DDAH1: variants seen among roughly 807,000 people sequenced by gnomAD.
DDAH1 encodes N(G),N(G)-dimethylarginine dimethylaminohydrolase 1.
DDAH1 carries 19 observed loss-of-function variants against 28.8 expected under a neutral mutation model. The ratio of observed to expected loss-of-function variants is 0.66; its 90% CI spans 0.46 to 0.97. The LOEUF is 0.97. Among genes scored for constraint, DDAH1 ranks in the 50% least tolerant of loss-of-function variants. DDAH1 has a pLI of 0.00. For synonymous variants in DDAH1, 153 were observed against 154.4 expected (o/e 0.99, Z 0.07); for missense variants, 326 against 375.9 (o/e 0.87, Z 1.10).
intron 1 of DDAH1, among the ~76,000 whole-genome samples, chr1:85,461,386 C>T (rs934683931): frequency 2.0e-5 from 3 of 152,136 alleles, no homozygotes; most frequent in Non-Finnish European, 4.4e-5. Context: ...TGGGCTTTCA[C>T]AGGAATACTT....
At chr1:85,504,539 C>T (rs916020148) in intron 1 of DDAH1, among the ~76,000 whole-genome samples, 1 of 152,164 alleles carries the variant, frequency 6.6e-6, no homozygotes, top group African/African-American at 2.4e-5. Context: ...AAGCAAACTG[C>T]AAGCAAAATA....
intron 1 of DDAH1, among the ~76,000 whole-genome samples, chr1:85,435,583 A>G (rs1653896229): frequency 6.6e-6 from 1 of 152,192 alleles, no homozygotes; most frequent in Non-Finnish European, 1.5e-5. Context: ...CCTACGGAAA[A>G]GTAGTGAAGA....
At chr1:85,407,120 A>G (rs575818592) in intron 1 of DDAH1, among the ~76,000 whole-genome samples, 2 of 152,216 alleles carry the variant, frequency 1.3e-5, no homozygotes, top group East Asian at 3.9e-4. Context: ...AAGTTTTCTC[A>G]CGTATTTTCC....
At chr1:85,571,974 G>A (rs1483132584) in intron 1 of DDAH1, among the ~76,000 whole-genome samples, 3 of 152,198 alleles carry the variant, frequency 2.0e-5, no homozygotes, top group South Asian at 4.2e-4. Flanking sequence ...TGCAGGGTGC[G>A]CTTGGCAGGG....
At chr1:85,481,091 G>GTTTTTTTTT (rs779581650) in intron 2 of DDAH1, among the ~76,000 whole-genome samples, 3 of 92,006 alleles carry the variant, frequency 3.3e-5, no homozygotes, top group African/African-American at 9.3e-5. Context: ...ATTTCTTTGG[G>GTTTTTTTTT]TTTTTTGTTT....
At chr1:85,500,147 T>TTTCTTTCTTTCTTTCTTTCTTTTC (rs1351874163) in intron 1 of DDAH1, among the ~76,000 whole-genome samples, 1 of 55,244 alleles carries the variant, frequency 1.8e-5, no homozygotes, top group African/African-American at 5.5e-5. Flanking sequence ...TCTTTCTTTC[T>TTTCTTTCTTTCTTTCTTTCTTTTC]TTTCTTTCTT....
intron 3 of DDAH1, 122 bp downstream of exon 3, chr1:85,351,384 T>C (rs1649191859): frequency 1.3e-6 from 1 of 773,958 alleles, no homozygotes; most frequent in Non-Finnish European, 2.1e-6. Context: ...GTACAAACAT[T>C]ACGAATTATT....
At chr1:85,398,784 G>A (rs1353597108) in intron 1 of DDAH1, 3 of 152,148 alleles carry the variant, frequency 2.0e-5, no homozygotes, top group African/African-American at 4.8e-5. Context: ...GGCAGAATAA[G>A]GCTATGGTTA....
At chr1:85,404,527 A>C (rs1225061399) in intron 1 of DDAH1, 2 of 1,397,148 alleles carry the variant, frequency 1.4e-6, no homozygotes, top group East Asian at 5.3e-5. Context: ...GCAAATAATA[A>C]CACTAACTGC....
chr1:85,388,597 T>TA (rs1424269880), intron 1 of DDAH1, among the ~76,000 whole-genome samples: 1 of 152,156 alleles, frequency 6.6e-6, no homozygotes, highest in Non-Finnish European at 1.5e-5. Context: ...TTAGAATACT[T>TA]AATAAAGTGT....
At chr1:85,421,807 T>C (rs1653152750) in intron 1 of DDAH1, among the ~76,000 whole-genome samples, 1 of 152,242 alleles carries the variant, frequency 6.6e-6, no homozygotes, top group South Asian at 2.1e-4. Context: ...TTTATATTCA[T>C]GTACCATAGT....
Position 85,321,908 on chromosome 1 carries a change from T to G in DDAH1, c.742-340A>C, listed in dbSNP as rs140030868. 2.6e-3 allele frequency among the ~76,000 whole-genome samples: 398 copies of G among 152,276 alleles called. 3 individuals carry two copies. Among genetic ancestry groups the G allele is most frequent in the African/African-American group, 9.4e-3 (390 of 41,540 alleles). ...AATATTACTTTCTCTTCACACTTTA[T>G]TTTTATTTATTTATATATTTTTGGA... is the stretch of plus-strand genomic sequence containing the variant. On this transcript the variant is annotated intron_variant, in intron 5 of 5. Coordinates refer to ENST00000284031, the MANE Select transcript of DDAH1 (RefSeq NM_012137.4).
At chr1:85,359,898 T>C (rs1270181357) in intron 1 of DDAH1, among the ~76,000 whole-genome samples, 1 of 152,206 alleles carries the variant, frequency 6.6e-6, no homozygotes, top group Non-Finnish European at 1.5e-5. Context: ...GCATAACAAA[T>C]TGAAGCTCAC....
chr1:85,356,252 G>T (rs1007467357), intron 2 of DDAH1, among the ~76,000 whole-genome samples: 2 of 152,184 alleles, frequency 1.3e-5, no homozygotes, highest in Non-Finnish European at 2.9e-5. Context: ...CTATTTAAGA[G>T]AAATGGTATT....
chr1:85,551,460 C>A (rs1012294036), intron 1 of DDAH1, among the ~76,000 whole-genome samples: 2 of 152,192 alleles, frequency 1.3e-5, no homozygotes, highest in Non-Finnish European at 1.5e-5. Flanking sequence ...AGAATGGAAC[C>A]AACCCCTTGC....
At chr1:85,394,959 C>G (rs1651738541) in intron 1 of DDAH1, among the ~76,000 whole-genome samples, 1 of 152,002 alleles carries the variant, frequency 6.6e-6, no homozygotes, top group Non-Finnish European at 1.5e-5. Context: ...TATGATAGTT[C>G]AAAATTGCTT....
At chr1:85,388,898 C>G (rs1489649716) in intron 1 of DDAH1, among the ~76,000 whole-genome samples, 1 of 152,166 alleles carries the variant, frequency 6.6e-6, no homozygotes, top group Non-Finnish European at 1.5e-5. Context: ...AAATAGACGA[C>G]CCCTAAGAGG....
At chr1:85,453,826 A>C (rs1654766448) in intron 1 of DDAH1, among the ~76,000 whole-genome samples, 2 of 152,254 alleles carry the variant, frequency 1.3e-5, no homozygotes, top group African/African-American at 4.8e-5. Context: ...AAGGAAAGAG[A>C]GTGAAACTAG....
At chr1:85,570,363 G>GACACACACAC (rs1557770693) in intron 1 of DDAH1, among the ~76,000 whole-genome samples, 11 of 46,464 alleles carry the variant, frequency 2.4e-4, no homozygotes, top group African/African-American at 7.6e-4. Context: ...CACACACACT[G>GACACACACAC]TCACACACAC....
Sources: allele counts gnomAD v4.1 joint callset (sites outside exome capture counted in the v4.1 genomes callset), GRCh38; gene constraint gnomAD v4.1.1; transcripts MANE v1.5; gene names NCBI Gene and HGNC (gene_info 2026-07-23, HGNC 2026-07-21).